Variants in LIMCH1 observed in about 807,000 individuals in gnomAD.
LIMCH1 encodes LIM and calponin homology domains-containing protein 1.
LIMCH1 carries 113 observed loss-of-function variants against 176.5 expected under a neutral mutation model. That is an observed-to-expected ratio of 0.64 (90% confidence interval 0.55 to 0.75). LIMCH1 has a LOEUF of 0.75. Ranked by LOEUF, LIMCH1 falls within the 30% of genes least tolerant of loss-of-function variation. The probability of loss-of-function intolerance (pLI) is 0.00; values close to 1 mark genes in which losing one functional copy is unlikely to be tolerated. For synonymous variants in LIMCH1, 619 were observed against 645.9 expected, an observed-to-expected ratio of 0.96 and a Z score of 0.63; for missense variants, 1,674 against 1,814.9, an observed-to-expected ratio of 0.92 and a Z score of 1.41.
At chr4:41,520,567 C>T (rs1383481481) in intron 2 of LIMCH1, among the ~76,000 whole-genome samples, 1 of 152,128 alleles carries the variant, frequency 6.6e-6, no homozygotes, top group Non-Finnish European at 1.5e-5. Context: ...TTACAAATTC[C>T]AAAGAACAAG....
intron 30 of LIMCH1, among the ~76,000 whole-genome samples, chr4:41,690,193 G>T (rs187685991): frequency 6.6e-6 from 1 of 152,054 alleles, no homozygotes; most frequent in Admixed American, 6.6e-5. Context: ...ACCTTTCTTG[G>T]TCCTTATTAC....
chr4:41,422,400 C>G (rs2060684631), intron 1 of LIMCH1, among the ~76,000 whole-genome samples: 1 of 152,078 alleles, frequency 6.6e-6, no homozygotes, highest in Non-Finnish European at 1.5e-5. Flanking sequence ...ATTGCCCAGG[C>G]TGGTCTTGAG....
chr4:41,392,172 G>A (rs1489924082), intron 1 of LIMCH1, among the ~76,000 whole-genome samples: 2 of 152,122 alleles, frequency 1.3e-5, no homozygotes, highest in Non-Finnish European at 2.9e-5. Context: ...TAATACAGCA[G>A]TGAGAAAACA....
chr4:41,481,428 C>T (rs2068600427), intron 1 of LIMCH1, among the ~76,000 whole-genome samples: 1 of 152,142 alleles, frequency 6.6e-6, no homozygotes, highest in Non-Finnish European at 1.5e-5. Context: ...CACCTGATTT[C>T]CAGGACATTA....
At chr4:41,606,575 C>A (rs2090741815) in intron 4 of LIMCH1, among the ~76,000 whole-genome samples, 2 of 152,260 alleles carry the variant, frequency 1.3e-5, no homozygotes, top group South Asian at 4.2e-4. Flanking sequence ...TTAAAAGCTT[C>A]ATTTGTTTCT....
chr4:41,423,929 G>T (rs960095120), intron 1 of LIMCH1, among the ~76,000 whole-genome samples: 1 of 152,120 alleles, frequency 6.6e-6, no homozygotes, highest in Non-Finnish European at 1.5e-5. Flanking sequence ...GTTTCAGGCT[G>T]CCAGGGCCAG....
At chr4:41,663,134 C>CGTGTGTGTGT (rs60475434) in intron 20 of LIMCH1, 150 bp downstream of exon 20, 7,892 of 406,120 alleles carry the variant, frequency 0.019, 188 homozygotes, top group African/African-American at 0.042. Flanking sequence ...TTTTCTTTTT[C>CGTGTGTGTGT]GTGTGTGTGT....
intron 7 of LIMCH1, among the ~76,000 whole-genome samples, chr4:41,622,068 A>T (rs902050385): frequency 1.3e-5 from 2 of 152,146 alleles, no homozygotes; most frequent in African/African-American, 4.8e-5. Flanking sequence ...GTGCTTCTGG[A>T]ATATTCTAAC....
Position 41,633,597 on chromosome 4 carries a change from T to C in LIMCH1, c.1879T>C (p.Leu627=), listed in dbSNP as rs2093436733. The C allele has an allele frequency of 2.0e-6, 3 of 1,535,918 alleles. No homozygotes were observed. Among genetic ancestry groups the C allele is most frequent in the Non-Finnish European group, 2.6e-6 (3 of 1,146,916 alleles). The change falls in exon 13 of 32, where the codon TTG becomes CTG. Residue 627 remains leucine, a synonymous_variant. Coordinates refer to ENST00000503057, the MANE Select transcript of LIMCH1 (RefSeq NM_001330672.2). The part of the protein sequence containing the change: ...ECEASGTEEK[L]EKMTAPAWSG... ...TGAGGCTTCAGGGACAGAAGAGAAG[T>C]TGGAGAAGATGACAGCTCCTGCCTG...
chr4:41,647,262 A>C (rs562014516), intron 17 of LIMCH1, among the ~76,000 whole-genome samples: 1 of 152,314 alleles, frequency 6.6e-6, no homozygotes, highest in African/African-American at 2.4e-5. Flanking sequence ...GACTCCTCAA[A>C]ACAAAATTTT....
At chr4:41,639,983 A>C (rs146704776) in intron 14 of LIMCH1, among the ~76,000 whole-genome samples, 113 of 152,330 alleles carry the variant, frequency 7.4e-4, no homozygotes, top group African/African-American at 2.5e-3. Flanking sequence ...CACCAATGAC[A>C]ATGAGATTAG....
intron 1 of LIMCH1, among the ~76,000 whole-genome samples, chr4:41,416,076 TA>T (rs1487202583): frequency 6.6e-6 from 1 of 152,128 alleles, no homozygotes; most frequent in Non-Finnish European, 1.5e-5. Flanking sequence ...ACTGACTTAG[TA>T]AAGATTTGTT....
At chr4:41,393,991 C>G (rs1301688851) in intron 1 of LIMCH1, among the ~76,000 whole-genome samples, 1 of 152,106 alleles carries the variant, frequency 6.6e-6, no homozygotes, top group African/African-American at 2.4e-5. Flanking sequence ...CATAAAATAT[C>G]CTTGTGTCTG....
At chr4:41,449,355 C>T (rs1481827276) in intron 1 of LIMCH1, among the ~76,000 whole-genome samples, 2 of 152,198 alleles carry the variant, frequency 1.3e-5, no homozygotes, top group Non-Finnish European at 2.9e-5. Flanking sequence ...AGGTTTACCT[C>T]TTCTGCTAGT....
chr4:41,530,819 A>AAAAAAT (rs1561650483), intron 3 of LIMCH1, among the ~76,000 whole-genome samples: 1 of 84,736 alleles, frequency 1.2e-5, no homozygotes, highest in Non-Finnish European at 2.1e-5. Flanking sequence ...AAAAAAAAAA[A>AAAAAAT]TTTTTTTTTT....
At chr4:41,687,444 C>T (rs986470298) in intron 28 of LIMCH1, among the ~76,000 whole-genome samples, 3 of 152,198 alleles carry the variant, frequency 2.0e-5, no homozygotes, top group Non-Finnish European at 4.4e-5. Flanking sequence ...CCCTCCTCAT[C>T]TTTCCCCTTC....
intron 1 of LIMCH1, among the ~76,000 whole-genome samples, chr4:41,388,605 A>G (rs1385641933): frequency 6.6e-6 from 1 of 152,192 alleles, no homozygotes; most frequent in East Asian, 1.9e-4. Flanking sequence ...GGACTTTTAC[A>G]ATGGGTGAAT....
At position 41,598,998 on chromosome 4, in the gene LIMCH1, C is replaced by T; in HGVS notation, c.-162C>T. 4.3e-6 allele frequency: 7 copies of T among 1,610,186 alleles called. No individual in the cohort carries two copies. Among genetic ancestry groups the T allele is most frequent in the Non-Finnish European group, 5.9e-6 (7 of 1,176,702 alleles). The stretch of plus-strand genomic sequence containing the variant: ...TCAACTTTTTGACCCGAGTGACCTC[C>T]AGGATACATCCAACAGAGTAACAGT... On this transcript the variant is annotated 5_prime_UTR_variant, in exon 2 of 32. Transcript: ENST00000503057.
chr4:41,559,966 A>G (rs919549049), intron 1 of LIMCH1, among the ~76,000 whole-genome samples: 2 of 152,108 alleles, frequency 1.3e-5, no homozygotes, highest in African/African-American at 4.8e-5. Flanking sequence ...GTCTCTATTG[A>G]TAGTCCCGAT....
Sources: gnomAD v4.1 joint callset for allele counts (sites outside exome capture counted in the v4.1 genomes callset) on GRCh38, gnomAD v4.1.1 for gene constraint, MANE v1.5 for transcripts, NCBI Gene and HGNC (gene_info 2026-07-23, HGNC 2026-07-21) for gene names.